Variants in KIF11 observed in about 807,000 individuals in gnomAD.
KIF11 encodes the protein kinesin-like protein KIF11.
Under a neutral mutation model 121.0 loss-of-function variants are expected in KIF11, and 9 were observed. The observed-to-expected ratio is 0.07, with a 90% CI of 0.04 to 0.13. KIF11 has a LOEUF of 0.13. Ranked by LOEUF, KIF11 falls within the 10% of genes least tolerant of loss-of-function variation. The probability of loss-of-function intolerance (pLI) is 1.00; values close to 1 mark genes in which losing one functional copy is unlikely to be tolerated. For missense variants in KIF11, 846 were observed against 1,217.5 expected (o/e 0.69, Z 4.54); for synonymous variants, 408 against 421.0 (o/e 0.97, Z 0.38).
chr10:92,639,740 A>G, intron 16 of KIF11, 54 bp from the exon 17 acceptor site: 1 of 949,026 alleles, frequency 1.1e-6, no homozygotes, highest in Non-Finnish European at 1.7e-6. Context: ...AGTCATAAAA[A>G]ATGTTCAAGT....
rs368633432 is a variant in KIF11 at position 92,643,555 on chromosome 10, A to ATTT, written c.2268-1791_2268-1789dup. Reference sequence around the variant, plus strand: ...TTTTCTTTTTTAATGTATCTACTAGATTTTTTTTTTTTTTTTTTTGAGAGG... The same window carrying ATTT: ...TTTTCTTTTTTAATGTATCTACTAGATTTTTTTTTTTTTTTTTTTTTTGAGAGG... On this transcript the variant is annotated intron_variant, in intron 17 of 21. Transcript: ENST00000260731. Among the ~76,000 whole-genome samples the ATTT allele has an allele frequency of 2.4e-3, 295 of 123,450 alleles. 8 individuals are homozygous for ATTT. Among genetic ancestry groups the ATTT allele is most frequent in the African/African-American group, 8.9e-3 (273 of 30,572 alleles). The allele number at this position is 123,450 out of a possible 152,430, so 81.0% of individuals were successfully genotyped here.
intron 19 of KIF11, among the ~76,000 whole-genome samples, chr10:92,649,068 A>T (rs2135925231): frequency 6.6e-6 from 1 of 152,288 alleles, no homozygotes; most frequent in South Asian, 2.1e-4. Flanking sequence ...AATCCACTGA[A>T]TTGTACACAT....
At chr10:92,600,153 C>T (rs937565603) in intron 1 of KIF11, among the ~76,000 whole-genome samples, 3 of 151,544 alleles carry the variant, frequency 2.0e-5, no homozygotes, top group Admixed American at 6.6e-5. Flanking sequence ...TATAGGCGCT[C>T]GCCACCATGC....
rs1054754482 is a variant in KIF11, at chr10:92,630,169, T to A, written c.1306-7T>A. ...CAGCTCAGCGTTTTTTAAATTCTTA[T>A]ATTTAGGTTACAGAGTTGTTTATGG... On this transcript the variant is annotated splice_polypyrimidine_tract_variant and splice_region_variant and intron_variant, in intron 11 of 21. Coordinates refer to ENST00000260731, the MANE Select transcript of KIF11 (RefSeq NM_004523.4). 8 of 1,449,002 alleles carry A rather than the reference T, an allele frequency of 5.5e-6. No homozygotes were observed. In the African/African-American group the frequency reaches 1.0e-4, roughly 19 times the overall value. 89.8% of individuals were successfully genotyped at this position (1,449,002 alleles called of 1,614,324 possible).
intron 14 of KIF11, among the ~76,000 whole-genome samples, chr10:92,636,943 G>A (rs1844808007): frequency 6.9e-6 from 1 of 143,940 alleles, no homozygotes; most frequent in African/African-American, 2.6e-5. Context: ...TGAGGCAGGA[G>A]AATCACTTGA....
chr10:92,634,338 C>T (rs11819301), intron 14 of KIF11, among the ~76,000 whole-genome samples: 22,611 of 151,066 alleles, frequency 0.15, 3,587 homozygotes, highest in African/African-American at 0.4. Context: ...CTCCTTTTCT[C>T]GGCTCACTGC....
rs1454838452 is a variant in KIF11, at chr10:92,645,737, T to C, written c.2547+95T>C. 1.8e-5 allele frequency: 18 copies of C among 994,446 alleles called. No individual in the cohort carries two copies. In the East Asian group the frequency reaches 3.7e-4, roughly 20 times the overall value. The allele number at this position is 994,446 out of a possible 1,614,324, so 61.6% of individuals were successfully genotyped here. On this transcript the variant is annotated intron_variant, in intron 18 of 21. Transcript: ENST00000260731. ...GAATAGATTTCAAAACAAATGATATTTTAAGCTATAATGACTTAAACTTTT... is the reference window on the plus strand; with the variant it reads ...GAATAGATTTCAAAACAAATGATATCTTAAGCTATAATGACTTAAACTTTT...
intron 8 of KIF11, among the ~76,000 whole-genome samples, chr10:92,614,576 C>T (rs569279163): frequency 1.3e-5 from 2 of 152,168 alleles, no homozygotes; most frequent in South Asian, 4.1e-4. Context: ...TGGTCATTAG[C>T]AGTGGGTGGT....
At chr10:92,604,196 A>G (rs1473140106) in intron 1 of KIF11, among the ~76,000 whole-genome samples, 2 of 152,250 alleles carry the variant, frequency 1.3e-5, no homozygotes, top group African/African-American at 4.8e-5. Flanking sequence ...ATGACTTGGC[A>G]GTACTCTTTC....
chr10:92,601,209 T>C (rs1454397936), intron 1 of KIF11, among the ~76,000 whole-genome samples: 1 of 145,808 alleles, frequency 6.9e-6, no homozygotes, highest in Admixed American at 6.9e-5. Context: ...TTTTTCTTCC[T>C]TTTTTTTTTG....
At chr10:92,623,346 CAG>C (rs533383665) in intron 10 of KIF11, among the ~76,000 whole-genome samples, 1 of 152,004 alleles carries the variant, frequency 6.6e-6, no homozygotes, top group Non-Finnish European at 1.5e-5. Context: ...ACAATAATAA[CAG>C]AGAAAACAAG....
intron 21 of KIF11, among the ~76,000 whole-genome samples, chr10:92,652,113 T>A (rs1165902764): frequency 6.6e-6 from 1 of 151,830 alleles, no homozygotes; most frequent in East Asian, 1.9e-4. Context: ...GCCTGGCTGC[T>A]TGTACCTTTT....
chr10:92,595,319 C>G (rs1844282831), intron 1 of KIF11, among the ~76,000 whole-genome samples: 1 of 152,190 alleles, frequency 6.6e-6, no homozygotes, highest in African/African-American at 2.4e-5. Flanking sequence ...CTTGGCCTCC[C>G]AAAGTGCTGG....
chr10:92,600,447 A>G (rs1484154052), intron 1 of KIF11, among the ~76,000 whole-genome samples: 2 of 152,090 alleles, frequency 1.3e-5, no homozygotes, highest in Non-Finnish European at 2.9e-5. Context: ...AGCATCCACT[A>G]GCTATTCTTC....
intron 4 of KIF11, among the ~76,000 whole-genome samples, chr10:92,608,131 T>A (rs1244381677): frequency 6.7e-6 from 1 of 150,224 alleles, no homozygotes; most frequent in Non-Finnish European, 1.5e-5. Flanking sequence ...GAATTTTTTT[T>A]AATTTTTTTT....
At chr10:92,637,132 C>A (rs543385931) in intron 14 of KIF11, 52 bp from the exon 15 acceptor site, 3 of 1,394,146 alleles carry the variant, frequency 2.2e-6, no homozygotes, top group South Asian at 2.6e-5. Flanking sequence ...GAAAGGTTTA[C>A]AGAAGTGGAA....
In KIF11 at chr10:92,650,498, G is replaced by T; in HGVS notation, c.3020G>T (p.Gly1007Val). 2 of 1,609,672 alleles carry T rather than the reference G, an allele frequency of 1.2e-6. No individual in the cohort carries two copies. The highest frequency in any genetic ancestry group is 2.2e-5 in the South Asian group (2 of 90,974). ...GCTGGTGTGGATTGTTCATCAATTG[G>T]CGGGGTTCCATTTTTCCAGGTATGT... ...VDAGVDCSSI[G>V]GVPFFQHKKS... The change falls in exon 21 of 22, where the codon GGC becomes GTC. Residue 1007 changes from glycine to valine, a missense_variant. Around this residue, in one of 5 missense-constraint regions of KIF11, gnomAD observed 492 missense variants for 603.4 expected, o/e 0.82. Coordinates refer to ENST00000260731, the MANE Select transcript of KIF11 (RefSeq NM_004523.4).
rs1457102223 is a variant in KIF11 at position 92,602,825 on chromosome 10, C to CACGTGTGT, written c.78-3440_78-3439insACGTGTGT. Among the ~76,000 whole-genome samples the CACGTGTGT allele has an allele frequency of 1.5e-3, 186 of 122,436 alleles. 2 individuals are homozygous for CACGTGTGT. The highest frequency in any genetic ancestry group is 7.0e-3 in the East Asian group (30 of 4,280). 80.3% of individuals were successfully genotyped at this position (122,436 alleles called of 152,430 possible). On this transcript the variant is annotated intron_variant, in intron 1 of 21. Coordinates refer to ENST00000260731, the MANE Select transcript of KIF11 (RefSeq NM_004523.4). ...TTACTTAAACACACACACACACACA[C>CACGTGTGT]GTGTGTGTGTGTGTGTGTGTGTGTG... is the stretch of plus-strand genomic sequence containing the variant.
At chr10:92,610,731 T>G (rs931191727) in intron 6 of KIF11, among the ~76,000 whole-genome samples, 1 of 152,208 alleles carries the variant, frequency 6.6e-6, no homozygotes, top group African/African-American at 2.4e-5. Flanking sequence ...TTATTTCTTT[T>G]CTGGCTTGTA....
Sources: allele counts gnomAD v4.1 joint callset (sites outside exome capture counted in the v4.1 genomes callset), GRCh38; gene constraint gnomAD v4.1.1; regional missense constraint gnomAD v4.1.1; transcripts MANE v1.5; gene names NCBI Gene and HGNC (gene_info 2026-07-23, HGNC 2026-07-21).